SYT1: variants seen among roughly 807,000 people sequenced by gnomAD.
SYT1 encodes synaptotagmin-1.
In SYT1, 8 loss-of-function variants were observed where a neutral mutation model predicts 44.8. The observed-to-expected ratio is 0.18, with a 90% CI of 0.10 to 0.32. The LOEUF (loss-of-function observed/expected upper bound fraction) is 0.32, where lower values mean the gene tolerates loss of function less well. SYT1 is among the 10% of genes least tolerant of loss of function. The pLI is 1.00. For synonymous variants in SYT1, 154 were observed against 188.8 expected, an observed-to-expected ratio of 0.82 and a Z score of 1.51; for missense variants, 286 against 509.3, an observed-to-expected ratio of 0.56 and a Z score of 4.22.
At chr12:79,382,167 G>C (rs1033970993) in intron 9 of SYT1, among the ~76,000 whole-genome samples, 3 of 152,198 alleles carry the variant, frequency 2.0e-5, no homozygotes, top group African/African-American at 7.2e-5. Context: ...CGAGTCTGTT[G>C]CTTTAGGGAA....
chr12:79,026,702 T>TATATATATATATATATAAAAAAAA (rs34140383), intron 2 of SYT1, among the ~76,000 whole-genome samples: 2 of 125,312 alleles, frequency 1.6e-5, no homozygotes, highest in Admixed American at 1.6e-4. Flanking sequence ...TATATATATA[T>TATATATATATATATATAAAAAAAA]CACACTTTCA....
chr12:78,873,089 T>C (rs756673482), intron 1 of SYT1, among the ~76,000 whole-genome samples: 1 of 151,670 alleles, frequency 6.6e-6, no homozygotes, highest in Non-Finnish European at 1.5e-5. Flanking sequence ...TTTATTTGTT[T>C]ATTTATTTTA....
intron 3 of SYT1, among the ~76,000 whole-genome samples, chr12:79,140,425 C>T (rs1160242840): frequency 1.3e-5 from 2 of 152,096 alleles, no homozygotes; most frequent in Non-Finnish European, 2.9e-5. Context: ...ATGCCTTTAC[C>T]TAGGTGCTTT....
At chr12:78,931,639 T>C (rs1877758533) in intron 1 of SYT1, among the ~76,000 whole-genome samples, 2 of 152,174 alleles carry the variant, frequency 1.3e-5, no homozygotes, top group African/African-American at 4.8e-5. Context: ...TCAGGAGTTA[T>C]TTTAACAATT....
At chr12:79,044,590 A>G (rs1281345355) in intron 2 of SYT1, among the ~76,000 whole-genome samples, 2 of 146,868 alleles carry the variant, frequency 1.4e-5, no homozygotes, top group African/African-American at 5.2e-5. Flanking sequence ...CCCGTAGCTC[A>G]GAGTAATTTG....
At chr12:79,022,390 G>A (rs1290666582) in intron 2 of SYT1, among the ~76,000 whole-genome samples, 3 of 151,740 alleles carry the variant, frequency 2.0e-5, no homozygotes, top group African/African-American at 4.8e-5. Flanking sequence ...ACCCCAAGAC[G>A]TTTTTAAAGA....
chr12:78,938,308 T>G (rs1878173215), intron 1 of SYT1, among the ~76,000 whole-genome samples: 1 of 152,118 alleles, frequency 6.6e-6, no homozygotes, highest in Non-Finnish European at 1.5e-5. Flanking sequence ...CAGTATTCAG[T>G]AAGCCATGTC....
At chr12:78,977,064 G>C (rs1592625130) in intron 1 of SYT1, among the ~76,000 whole-genome samples, 1 of 150,460 alleles carries the variant, frequency 6.6e-6, no homozygotes, top group South Asian at 2.1e-4. Context: ...AAAGAGAACA[G>C]AAAAAAATTT....
chr12:79,094,818 C>T (rs773110052), intron 3 of SYT1, among the ~76,000 whole-genome samples: 3 of 151,846 alleles, frequency 2.0e-5, no homozygotes, highest in African/African-American at 7.3e-5. Context: ...AGAAACTCAA[C>T]AGCAAAAATA....
intron 1 of SYT1, among the ~76,000 whole-genome samples, chr12:78,949,010 A>G (rs1878820190): frequency 6.7e-6 from 1 of 149,646 alleles, no homozygotes; most frequent in South Asian, 2.1e-4. Context: ...ATTATCAACT[A>G]CCAAATTTAG....
intron 9 of SYT1, among the ~76,000 whole-genome samples, chr12:79,399,409 G>T (rs1417780411): frequency 1.3e-5 from 2 of 151,302 alleles, no homozygotes; most frequent in Non-Finnish European, 2.9e-5. Flanking sequence ...TTATTTAGAG[G>T]TTATATTTAA....
intron 3 of SYT1, among the ~76,000 whole-genome samples, chr12:79,076,633 A>G (rs1876671396): frequency 6.6e-6 from 1 of 152,172 alleles, no homozygotes; most frequent in African/African-American, 2.4e-5. Flanking sequence ...CAGTGCGAGC[A>G]TATTTATAAG....
At chr12:79,133,396 A>C (rs1868979886) in intron 3 of SYT1, among the ~76,000 whole-genome samples, 1 of 152,128 alleles carries the variant, frequency 6.6e-6, no homozygotes, top group Non-Finnish European at 1.5e-5. Flanking sequence ...AAAACAAAAA[A>C]ACTACAAGAG....
At chr12:78,893,384 C>A (rs1472526871) in intron 1 of SYT1, among the ~76,000 whole-genome samples, 1 of 151,702 alleles carries the variant, frequency 6.6e-6, no homozygotes, top group Non-Finnish European at 1.5e-5. Context: ...AAATTCAATT[C>A]TGTCTCCAAA....
intron 9 of SYT1, among the ~76,000 whole-genome samples, chr12:79,432,609 A>G (rs1869864441): frequency 2.0e-5 from 3 of 152,148 alleles, no homozygotes. Flanking sequence ...CCTTAAAAAA[A>G]TAAGTTTCTT....
intron 3 of SYT1, among the ~76,000 whole-genome samples, chr12:79,181,434 C>T (rs1872537214): frequency 6.6e-6 from 1 of 152,032 alleles, no homozygotes; most frequent in Non-Finnish European, 1.5e-5. Flanking sequence ...ATGCATATCA[C>T]ATTGTTTCTT....
chr12:79,445,191 ATAG>A (rs943924360), intron 10 of SYT1, among the ~76,000 whole-genome samples: 2 of 152,128 alleles, frequency 1.3e-5, no homozygotes, highest in African/African-American at 4.8e-5. Context: ...TAATTGCCAA[ATAG>A]TAGTTGTACA....
chr12:79,308,524 A>AAGGAAGGAAG (rs1565901118), intron 8 of SYT1, among the ~76,000 whole-genome samples: 1 of 144,420 alleles, frequency 6.9e-6, no homozygotes, highest in African/African-American at 2.6e-5. Flanking sequence ...AAAGAAAGAA[A>AAGGAAGGAAG]GAAGAAATAA....
intron 1 of SYT1, among the ~76,000 whole-genome samples, chr12:78,916,106 C>T (rs1013100761): frequency 5.9e-5 from 9 of 151,794 alleles, no homozygotes; most frequent in Admixed American, 4.6e-4. Flanking sequence ...AAGAAATGAA[C>T]CCCAACGGAA....
Sources: allele counts gnomAD v4.1 joint callset (sites outside exome capture counted in the v4.1 genomes callset), GRCh38; gene constraint gnomAD v4.1.1; transcripts MANE v1.5; gene names NCBI Gene and HGNC (gene_info 2026-07-23, HGNC 2026-07-21).